Variants in CACNG8 observed in about 807,000 individuals in gnomAD.
The protein encoded by CACNG8 is voltage-dependent calcium channel gamma-8 subunit.
CACNG8 carries 5 observed loss-of-function variants against 26.9 expected under a neutral mutation model. The ratio of observed to expected loss-of-function variants is 0.19; its 90% CI spans 0.10 to 0.39. The LOEUF (loss-of-function observed/expected upper bound fraction) is 0.39. Among genes scored for constraint, CACNG8 ranks in the 10% least tolerant of loss-of-function variants. CACNG8 has a pLI of 1.00. For missense variants in CACNG8, 473 were observed against 609.4 expected (o/e 0.78, Z 2.36); for synonymous variants, 321 against 296.7 (o/e 1.08, Z -0.84).
chr19:53,980,064 G>GTC, intron 3 of CACNG8, 57 bp downstream of exon 3: 1 of 1,251,390 alleles, frequency 8.0e-7, no homozygotes, highest in Non-Finnish European at 1.1e-6. Context: ...GCACGTGTGT[G>GTC]TGTGTGTGTG....
At chr19:53,964,026 C>G (rs2069258553) in intron 1 of CACNG8, among the ~76,000 whole-genome samples, 1 of 152,040 alleles carries the variant, frequency 6.6e-6, no homozygotes, top group African/African-American at 2.4e-5. Context: ...TCTCGAGCTC[C>G]TGAGCTCAAG....
intron 1 of CACNG8, among the ~76,000 whole-genome samples, chr19:53,971,861 C>A (rs77497649): frequency 0.071 from 10,835 of 152,266 alleles, 433 homozygotes; most frequent in African/African-American, 0.11. Flanking sequence ...TTAACCCTTG[C>A]ATGCCCGGGT....
rs1358830910 is a variant in CACNG8 at position 53,982,924 on chromosome 19, G to C, written c.*75G>C. 9.5e-7 allele frequency: 1 copy of C among 1,048,164 alleles called. No homozygotes were observed. The highest frequency in any genetic ancestry group is 1.7e-5 in the African/African-American group (1 of 58,640). 64.9% of individuals were successfully genotyped at this position (1,048,164 alleles called of 1,614,324 possible). ...CGCGTGCATCGAGGCTGCCGGGGTC[G>C]GGGGCGCCCCCGCTTTCCCCCGTGA... is the stretch of plus-strand genomic sequence containing the variant. On this transcript the variant is annotated 3_prime_UTR_variant, in exon 4 of 4. Transcript: ENST00000270458. The surrounding 1 kb of genome is among the most constrained non-coding windows in gnomAD (Gnocchi z 8.4).
In CACNG8 at chr19:53,982,610, G is replaced by A; in HGVS notation, c.1039G>A (p.Gly347Ser). Residue 347 changes from glycine to serine, a missense_variant, in exon 4 of 4, where the codon GGC becomes AGC. This residue lies in a region of CACNG8 where 212 missense variants were observed against 214.4 expected (regional missense o/e 0.99). Transcript: ENST00000270458. This position sits in a 1 kb window ranked among gnomAD's most constrained non-coding sequence, Gnocchi z 8.4. ...CGCGGCCGGGGGCGCCGGGGGCGGC[G>A]GCGGAGGCGGCGGCGGGGCGGGTGC... is the stretch of plus-strand genomic sequence containing the variant. The A allele has an allele frequency of 1.0e-6, 1 of 979,424 alleles. No individual in the cohort carries two copies. Among genetic ancestry groups the A allele is most frequent in the Non-Finnish European group, 1.2e-6 (1 of 826,054 alleles). 60.7% of individuals were successfully genotyped at this position (979,424 alleles called of 1,614,324 possible). A position where few individuals can be genotyped will look rare whatever the true frequency, so the allele number is the denominator to read the frequency against.
Position 53,982,072 on chromosome 19 carries a change from C to A in CACNG8, c.509-8C>A. The A allele has an allele frequency of 6.4e-7, 1 of 1,554,672 alleles. No homozygotes were observed. Among genetic ancestry groups the A allele is most frequent in the Non-Finnish European group, 8.7e-7 (1 of 1,151,714 alleles). On this transcript the variant is annotated splice_region_variant and splice_polypyrimidine_tract_variant and intron_variant, in intron 3 of 3. Transcript: ENST00000270458. This position sits in a 1 kb window ranked among gnomAD's most constrained non-coding sequence, Gnocchi z 8.4. Reference sequence around the variant, plus strand: ...CCTCGAGGCTCCCGTCTGACCGTCCCCGCCCAGGCCTGAGCAACATCATCG... The same window carrying A: ...CCTCGAGGCTCCCGTCTGACCGTCCACGCCCAGGCCTGAGCAACATCATCG...
In CACNG8 at chr19:53,977,727, T is replaced by TC. The variant is rs529203561; in HGVS notation, c.284-416dup. On this transcript the variant is annotated intron_variant, in intron 1 of 3. Transcript: ENST00000270458. Reference sequence around the variant, plus strand: ...TCCGCATCACTTTCCTTGTTTTTTTTCCCACGCATTTCCAGACTTTTCAAC... The same window carrying TC: ...TCCGCATCACTTTCCTTGTTTTTTTTCCCCACGCATTTCCAGACTTTTCAAC... 7.9e-5 allele frequency among the ~76,000 whole-genome samples: 12 copies of TC among 152,294 alleles called. No individual in the cohort carries two copies. The East Asian group carries it at 2.3e-3, about 29-fold the overall frequency.
In CACNG8 at chr19:53,963,856, C is replaced by G. The variant is rs575718684; in HGVS notation, c.283+431C>G. Among the ~76,000 whole-genome samples the G allele has an allele frequency of 6.9e-4, 95 of 138,604 alleles. 1 individual carries two copies. The highest frequency in any genetic ancestry group is 2.5e-3 in the African/African-American group (93 of 36,736). The allele number at this position is 138,604 out of a possible 152,430, so 90.9% of individuals were successfully genotyped here. A position where few individuals can be genotyped will look rare whatever the true frequency, so the allele number is the denominator to read the frequency against. The stretch of plus-strand genomic sequence containing the variant: ...TCACTCTGTCGCCCAGGCTGGAGTA[C>G]GGTGGCACAATCACAGCTCACTGCA... On this transcript the variant is annotated intron_variant, in intron 1 of 3. Transcript: ENST00000270458.
At chr19:53,981,561 G>C (rs752893974) in intron 3 of CACNG8, among the ~76,000 whole-genome samples, 18 of 151,320 alleles carry the variant, frequency 1.2e-4, no homozygotes, top group Non-Finnish European at 2.4e-4. Context: ...GCCAGGGCTG[G>C]GTTAGACCGG....
chr19:53,982,730 CCGCCCGCCCCGCCCG>C lies in CACNG8; in HGVS notation c.1167_1181del (p.Ala394_Pro398del), dbSNP rs2069380491. On this transcript the variant is annotated inframe_deletion, in exon 4 of 4. Transcript: ENST00000270458. The surrounding 1 kb of genome is among the most constrained non-coding windows in gnomAD (Gnocchi z 8.4). The stretch of plus-strand genomic sequence containing the variant: ...CGGCGTCACGGTCACGGTCACCGGG[CCGCCCGCCCCGCCCG>C]CGCCCGCGCCACCCGCGCCCTCTGC... The C allele has an allele frequency of 1.9e-5, 22 of 1,183,078 alleles. No individual in the cohort carries two copies. The East Asian group carries it at 6.7e-4, about 36-fold the overall frequency. 73.3% of individuals were successfully genotyped at this position (1,183,078 alleles called of 1,614,324 possible).
chr19:53,970,789 G>C (rs1205762389), intron 1 of CACNG8, among the ~76,000 whole-genome samples: 8 of 151,198 alleles, frequency 5.3e-5, no homozygotes, highest in African/African-American at 1.9e-4. Flanking sequence ...AAAATTAGTT[G>C]GGCATGGTGA....
At chr19:53,976,920 G>A (rs1321409958) in intron 1 of CACNG8, among the ~76,000 whole-genome samples, 6 of 152,132 alleles carry the variant, frequency 3.9e-5, no homozygotes, top group African/African-American at 9.7e-5. Context: ...TGATCCACCC[G>A]CCTTGGCCTC....
chr19:53,979,125 C>T (rs1167097359), intron 2 of CACNG8, among the ~76,000 whole-genome samples: 2 of 126,572 alleles, frequency 1.6e-5, no homozygotes, highest in Non-Finnish European at 3.1e-5. Flanking sequence ...GTGGGGGTGG[C>T]TAGGAAGACA....
rs752742045 is a variant in CACNG8, at chr19:53,978,127, G to GCC, written c.284-17_284-16dup. The GCC allele has an allele frequency of 1.8e-5, 28 of 1,588,332 alleles. No homozygotes were observed. The Admixed American group carries it at 3.9e-4, about 22-fold the overall frequency. ...CCCTGAAGTATCCGCCCCCACCACT[G>GCC]CCCTCCCCGCTCCTCCAGGGTTGAA... is the stretch of plus-strand genomic sequence containing the variant. On this transcript the variant is annotated intron_variant, in intron 1 of 3. Transcript: ENST00000270458.
rs2069378421 is a variant in CACNG8, at chr19:53,982,607, G to A, written c.1036G>A (p.Gly346Ser). 3 of 976,640 alleles carry A rather than the reference G, an allele frequency of 3.1e-6. 1 individual carries two copies. The highest frequency in any genetic ancestry group is 1.1e-4 in the East Asian group (1 of 8,748). 60.5% of individuals were successfully genotyped at this position (976,640 alleles called of 1,614,324 possible). Residue 346 changes from glycine (G) to serine (S), a missense_variant, in exon 4 of 4, where the codon GGC becomes AGC. Coordinates refer to ENST00000270458, the MANE Select transcript of CACNG8 (RefSeq NM_031895.6). The surrounding 1 kb of genome is among the most constrained non-coding windows in gnomAD (Gnocchi z 8.4). ...CGGCGCGGCCGGGGGCGCCGGGGGCGGCGGCGGAGGCGGCGGCGGGGCGGG... is the reference window on the plus strand; with the variant it reads ...CGGCGCGGCCGGGGGCGCCGGGGGCAGCGGCGGAGGCGGCGGCGGGGCGGG...
In CACNG8 at chr19:53,988,271, AGTGT is replaced by A. The variant is rs57220250; in HGVS notation, c.*5453_*5456del. ...GACAGAAGGAAAGGGAATTCAGGCA[AGTGT>A]GTGTGTGTGTGTGTGTGTGTGTGTG... On this transcript the variant is annotated 3_prime_UTR_variant, in exon 4 of 4. Coordinates refer to ENST00000270458, the MANE Select transcript of CACNG8 (RefSeq NM_031895.6). The A allele has an allele frequency of 0.25, 35,858 of 144,106 alleles. 4,928 individuals are homozygous for A. Among genetic ancestry groups the A allele is most frequent in the Middle Eastern group, 0.36 (102 of 280 alleles). The allele number at this position is 144,106 out of a possible 1,614,324, so 8.9% of individuals were successfully genotyped here.
In CACNG8 at chr19:53,970,849, T is replaced by C. The variant is rs541550746; in HGVS notation, c.284-7297T>C. ...AGGGAGGCTGAGGTAGAAGGATTGCTTGAGCCCAGAAGGTCGAGGCTGCAG... is the reference window on the plus strand; with the variant it reads ...AGGGAGGCTGAGGTAGAAGGATTGCCTGAGCCCAGAAGGTCGAGGCTGCAG... On this transcript the variant is annotated intron_variant, in intron 1 of 3. Transcript: ENST00000270458. Among the ~76,000 whole-genome samples the C allele has an allele frequency of 8.6e-5, 13 of 151,246 alleles. No individual in the cohort carries two copies. The South Asian group carries it at 2.5e-3, about 29-fold the overall frequency.
intron 1 of CACNG8, among the ~76,000 whole-genome samples, chr19:53,967,424 T>C (rs1297794725): frequency 6.6e-6 from 1 of 152,220 alleles, no homozygotes; most frequent in Non-Finnish European, 1.5e-5. Context: ...AAGTGCCATA[T>C]AGTAAAGATT....
chr19:53,964,692 TC>T (rs1174171125), intron 1 of CACNG8, among the ~76,000 whole-genome samples: 1 of 152,136 alleles, frequency 6.6e-6, no homozygotes, highest in African/African-American at 2.4e-5. Flanking sequence ...ACTCCTGCCC[TC>T]TGCTGTGCCA....
Position 53,975,378 on chromosome 19 carries a change from ATTCTTTTTTT to A in CACNG8, c.284-2758_284-2749del, listed in dbSNP as rs200251133. Reference sequence around the variant, plus strand: ...CATGTGCTTGTGGACCCATTCAATCATTCTTTTTTTTTCTTTTTTGAGACTGAGTCTCGCT... The same window carrying A: ...CATGTGCTTGTGGACCCATTCAATCATTCTTTTTTGAGACTGAGTCTCGCT... On this transcript the variant is annotated intron_variant, in intron 1 of 3. Coordinates refer to ENST00000270458, the MANE Select transcript of CACNG8 (RefSeq NM_031895.6). 7.2e-3 allele frequency among the ~76,000 whole-genome samples: 1,090 copies of A among 150,736 alleles called. 6 individuals carry two copies. Among genetic ancestry groups the A allele is most frequent in the African/African-American group, 0.025 (1,033 of 41,076 alleles).
Sources: gnomAD v4.1 joint callset for allele counts (sites outside exome capture counted in the v4.1 genomes callset) on GRCh38, gnomAD v4.1.1 for gene constraint, gnomAD v4.1.1 regional missense constraint, Gnocchi (gnomAD v3.1) non-coding constraint, MANE v1.5 for transcripts, NCBI Gene and HGNC (gene_info 2026-07-23, HGNC 2026-07-21) for gene names.